The following COL23A1 variants were observed in gnomAD, a reference collection of about 807,000 sequenced individuals.
The protein encoded by COL23A1 is collagen type XXIII alpha 1 chain.
COL23A1 carries 97 observed loss-of-function variants against 99.3 expected under a neutral mutation model. The observed-to-expected ratio is 0.98, with a 90% CI of 0.83 to 1.16. The LOEUF (loss-of-function observed/expected upper bound fraction) is 1.16, where lower values mean the gene tolerates loss of function less well. Among genes scored for constraint, COL23A1 ranks in the 50% most tolerant of loss-of-function variants. The probability of loss-of-function intolerance (pLI) is 0.00; values close to 1 mark genes in which losing one functional copy is unlikely to be tolerated. For synonymous variants in COL23A1, 320 were observed against 308.2 expected (o/e 1.04, Z -0.40); for missense variants, 762 against 757.4 (o/e 1.01, Z -0.07).
intron 2 of COL23A1, among the ~76,000 whole-genome samples, chr5:178,517,032 C>T (rs1724578312): frequency 1.3e-5 from 2 of 152,256 alleles, no homozygotes; most frequent in African/African-American, 2.4e-5. Flanking sequence ...TCAGTGGGGA[C>T]GGGGCCTCCA....
chr5:178,330,728 T>C (rs910135059), intron 2 of COL23A1, among the ~76,000 whole-genome samples: 3 of 151,126 alleles, frequency 2.0e-5, no homozygotes, highest in African/African-American at 7.3e-5. Flanking sequence ...CCTTGACACG[T>C]CTCTGTTCTC....
At chr5:178,344,198 C>T (rs1028633331) in intron 2 of COL23A1, among the ~76,000 whole-genome samples, 1 of 152,168 alleles carries the variant, frequency 6.6e-6, no homozygotes, top group Admixed American at 6.5e-5. Flanking sequence ...TGCTCAAGTC[C>T]CTTACAGAAG....
chr5:178,547,474 C>CA (rs1761652326), intron 2 of COL23A1, among the ~76,000 whole-genome samples: 5 of 145,114 alleles, frequency 3.4e-5, no homozygotes, highest in African/African-American at 1.3e-4. Context: ...CACACCCACA[C>CA]ACCCACACAC....
In COL23A1 at chr5:178,576,051, G is replaced by A. The variant is rs372404693; in HGVS notation, c.294+13853C>T. Among the ~76,000 whole-genome samples, 57 of 152,314 alleles carry A rather than the reference G, an allele frequency of 3.7e-4. 2 individuals carry two copies. The South Asian group carries it at 0.012, about 31-fold the overall frequency. On this transcript the variant is annotated intron_variant, in intron 1 of 28. Coordinates refer to ENST00000390654, the MANE Select transcript of COL23A1 (RefSeq NM_173465.4). ...TCGGTCACGAAGCCGCAGTGCTTTT[G>A]GCAGTCCCTCAATACCCCTTCAGAC...
rs1326821489 is a variant in COL23A1 at position 178,357,726 on chromosome 5, G to GTATGTA, written c.362-50808_362-50807insTACATA. Among the ~76,000 whole-genome samples the GTATGTA allele has an allele frequency of 9.8e-4, 50 of 50,868 alleles. 1 individual carries two copies. Among genetic ancestry groups the GTATGTA allele is most frequent in the Non-Finnish European group, 2.4e-3 (49 of 20,666 alleles). The allele number at this position is 50,868 out of a possible 152,430, so 33.4% of individuals were successfully genotyped here. On this transcript the variant is annotated intron_variant, in intron 2 of 28. Transcript: ENST00000390654. ...AGATTTAAAATGTGTGTATGTGTGT[G>GTATGTA]TGTGTGTGTGTATGTACGTGTATGT... is the stretch of plus-strand genomic sequence containing the variant.
rs1231778043 is a variant in COL23A1, at chr5:178,313,654, C to T, written c.362-6735G>A. Among the ~76,000 whole-genome samples the T allele has an allele frequency of 6.6e-6, 1 of 152,210 alleles. No homozygotes were observed. Among genetic ancestry groups the T allele is most frequent in the African/African-American group, 2.4e-5 (1 of 41,450 alleles). On this transcript the variant is annotated intron_variant, in intron 2 of 28. Coordinates refer to ENST00000390654, the MANE Select transcript of COL23A1 (RefSeq NM_173465.4). This position sits in a 1 kb window ranked among gnomAD's most constrained non-coding sequence, Gnocchi z 4.2. ...AGTGTGACCATGGCCAAGATTTTCT[C>T]ATCCCACCACGTGTCGAGTGTCCCT...
At chr5:178,541,529 C>A (rs1761287878) in intron 2 of COL23A1, among the ~76,000 whole-genome samples, 1 of 152,180 alleles carries the variant, frequency 6.6e-6, no homozygotes, top group Non-Finnish European at 1.5e-5. Context: ...GATCTGAGAC[C>A]TTGCCACTGC....
chr5:178,446,493 C>G (rs1767165271), intron 2 of COL23A1, among the ~76,000 whole-genome samples: 1 of 152,010 alleles, frequency 6.6e-6, no homozygotes, highest in South Asian at 2.1e-4. Flanking sequence ...CTTTTGGCTT[C>G]TCTAAATTTT....
rs533993398 is a variant in COL23A1 at position 178,555,272 on chromosome 5, A to G, written c.361+5410T>C. Among the ~76,000 whole-genome samples, 11 of 152,296 alleles carry G rather than the reference A, an allele frequency of 7.2e-5. 1 individual carries two copies. In the South Asian group the frequency reaches 2.3e-3, roughly 32 times the overall value. ...ATCTCCAAACACAGTCCCATTCTGA[A>G]GCCCTGAGGGTTAGGACTTCAAGAT... On this transcript the variant is annotated intron_variant, in intron 2 of 28. Transcript: ENST00000390654.
intron 7 of COL23A1, 102 bp downstream of exon 7, chr5:178,268,628 G>A: frequency 8.5e-7 from 1 of 1,174,352 alleles, no homozygotes; most frequent in Non-Finnish European, 1.2e-6. Flanking sequence ...TCTAGGAGGG[G>A]CTGTGATGTG....
rs1044964028 is a variant in COL23A1 at position 178,535,531 on chromosome 5, C to A, written c.361+25151G>T. Reference sequence around the variant, plus strand: ...CACGCACAGAACAGCAGTGCGCAGCCCAGAGGCCCAGCTGGCGGCTCACAG... The same window carrying A: ...CACGCACAGAACAGCAGTGCGCAGCACAGAGGCCCAGCTGGCGGCTCACAG... On this transcript the variant is annotated intron_variant, in intron 2 of 28. Transcript: ENST00000390654. 9.8e-5 allele frequency among the ~76,000 whole-genome samples: 15 copies of A among 152,376 alleles called. 1 individual carries two copies. The highest frequency in any genetic ancestry group is 3.6e-4 in the African/African-American group (15 of 41,594).
chr5:178,263,202 T>C lies in COL23A1; in HGVS notation c.639+6A>G. The C allele has an allele frequency of 6.2e-7, 1 of 1,607,716 alleles. No individual in the cohort carries two copies. Among genetic ancestry groups the C allele is most frequent in the Non-Finnish European group, 8.5e-7 (1 of 1,174,288 alleles). On this transcript the variant is annotated splice_donor_region_variant and intron_variant, in intron 9 of 28. Coordinates refer to ENST00000390654, the MANE Select transcript of COL23A1 (RefSeq NM_173465.4). Reference sequence around the variant, plus strand: ...CTGCGTGGCCCAACTCCATGCCCTCTCTTACCGCTGGGCCTTGTGCTCCCC... The same window carrying C: ...CTGCGTGGCCCAACTCCATGCCCTCCCTTACCGCTGGGCCTTGTGCTCCCC...
chr5:178,325,071 G>C (rs1759568516), intron 2 of COL23A1, among the ~76,000 whole-genome samples: 2 of 152,220 alleles, frequency 1.3e-5, no homozygotes, highest in Admixed American at 1.3e-4. Context: ...AAGAGGCTGA[G>C]TGACCCGCTC....
At chr5:178,377,016 C>T (rs886850279) in intron 2 of COL23A1, among the ~76,000 whole-genome samples, 29 of 152,228 alleles carry the variant, frequency 1.9e-4, no homozygotes, top group African/African-American at 5.5e-4. Context: ...CTCATCACCT[C>T]TTGAAGGGGT....
intron 2 of COL23A1, among the ~76,000 whole-genome samples, chr5:178,452,579 C>T (rs1256023883): frequency 6.6e-6 from 1 of 152,208 alleles, no homozygotes; most frequent in Non-Finnish European, 1.5e-5. Context: ...AAATACACTC[C>T]ATTCATTCAT....
rs1764151580 is a variant in COL23A1 at position 178,589,342 on chromosome 5, C to CG, written c.294+561_294+562insC. On this transcript the variant is annotated intron_variant, in intron 1 of 28. Coordinates refer to ENST00000390654, the MANE Select transcript of COL23A1 (RefSeq NM_173465.4). The surrounding 1 kb of genome is among the most constrained non-coding windows in gnomAD (Gnocchi z 5.4). ...CCAAGTCATGTGGGCGCCCCCACCCCCATCCCCGAGGCCTCAGTGCGACGG... is the reference window on the plus strand; with the variant it reads ...CCAAGTCATGTGGGCGCCCCCACCCCGCATCCCCGAGGCCTCAGTGCGACGG... Among the ~76,000 whole-genome samples the CG allele has an allele frequency of 6.6e-6, 1 of 152,126 alleles. No homozygotes were observed. Among genetic ancestry groups the CG allele is most frequent in the South Asian group, 2.1e-4 (1 of 4,830 alleles).
chr5:178,301,414 G>A (rs541478480), intron 3 of COL23A1, among the ~76,000 whole-genome samples: 9 of 152,206 alleles, frequency 5.9e-5, no homozygotes, highest in Admixed American at 2.6e-4. Context: ...TACATCTCTA[G>A]CAAGTACATC....
At chr5:178,363,289 T>G (rs1561903505) in intron 2 of COL23A1, among the ~76,000 whole-genome samples, 2 of 152,062 alleles carry the variant, frequency 1.3e-5, no homozygotes, top group African/African-American at 4.8e-5. Context: ...TCTTGTTATC[T>G]GCTAATTTGA....
At chr5:178,532,039 C>T (rs529925277) in intron 2 of COL23A1, among the ~76,000 whole-genome samples, 1 of 152,344 alleles carries the variant, frequency 6.6e-6, no homozygotes, top group African/African-American at 2.4e-5. Flanking sequence ...CAACCAGCCA[C>T]ATCCCATGAG....
Sources: gnomAD v4.1 joint callset for allele counts (sites outside exome capture counted in the v4.1 genomes callset) on GRCh38, gnomAD v4.1.1 for gene constraint, Gnocchi (gnomAD v3.1) non-coding constraint, MANE v1.5 for transcripts, NCBI Gene and HGNC (gene_info 2026-07-23, HGNC 2026-07-21) for gene names.